Variants in CCSER1 observed in about 807,000 individuals in gnomAD.
CCSER1 encodes serine-rich coiled-coil domain-containing protein 1.
Under a neutral mutation model 82.0 loss-of-function variants are expected in CCSER1, and 41 were observed. The ratio of observed to expected loss-of-function variants is 0.50; its 90% CI spans 0.39 to 0.65. CCSER1 has a LOEUF of 0.65. CCSER1 is among the 30% of genes least tolerant of loss of function. The pLI is 0.00. For missense variants in CCSER1, 1,119 were observed against 1,064.2 expected (o/e 1.05, Z -0.72); for synonymous variants, 414 against 383.9 (o/e 1.08, Z -0.92).
intron 7 of CCSER1, chr4:90,781,646 G>T (rs1753796736): frequency 1.0e-6 from 1 of 973,116 alleles, no homozygotes; most frequent in African/African-American, 1.8e-5. Context: ...TCTCTTGAAA[G>T]TAGCTTTACA....
chr4:90,966,026 G>T lies in CCSER1; in HGVS notation c.2172+42579G>T, dbSNP rs148031354. Among the ~76,000 whole-genome samples, 3 of 151,998 alleles carry T rather than the reference G, an allele frequency of 2.0e-5. No individual in the cohort carries two copies. The East Asian group carries it at 5.8e-4, about 29-fold the overall frequency. Reference sequence around the variant, plus strand: ...ATTTGAGCAGGCAAATAAATAATCAGTTAAATTTAAGATAGATTCATAGAG... The same window carrying T: ...ATTTGAGCAGGCAAATAAATAATCATTTAAATTTAAGATAGATTCATAGAG... On this transcript the variant is annotated intron_variant, in intron 9 of 10. Coordinates refer to ENST00000509176, the MANE Select transcript of CCSER1 (RefSeq NM_001145065.2).
At chr4:90,484,815 C>T (rs191290138) in intron 5 of CCSER1, among the ~76,000 whole-genome samples, 71 of 152,292 alleles carry the variant, frequency 4.7e-4, no homozygotes, top group African/African-American at 1.5e-3. Flanking sequence ...TTAGGCTACT[C>T]GGGGGTTAGG....
At chr4:91,595,362 C>A (rs1364169466) in intron 10 of CCSER1, among the ~76,000 whole-genome samples, 7 of 152,108 alleles carry the variant, frequency 4.6e-5, no homozygotes, top group Non-Finnish European at 8.8e-5. Flanking sequence ...TGGAACCAAA[C>A]TACAACAATA....
At chr4:90,422,364 T>C (rs1756827364) in intron 4 of CCSER1, among the ~76,000 whole-genome samples, 1 of 152,090 alleles carries the variant, frequency 6.6e-6, no homozygotes, top group Non-Finnish European at 1.5e-5. Flanking sequence ...GAGGCTAGGC[T>C]GGAAAATTGC....
intron 4 of CCSER1, among the ~76,000 whole-genome samples, chr4:90,435,230 A>G (rs1758835387): frequency 3.9e-5 from 6 of 152,152 alleles, no homozygotes; most frequent in Admixed American, 3.9e-4. Context: ...TTTTTGTCAG[A>G]AAATTTTCTG....
chr4:91,286,376 TTCAC>T (rs1245768980), intron 10 of CCSER1, among the ~76,000 whole-genome samples: 1 of 151,878 alleles, frequency 6.6e-6, no homozygotes, highest in Non-Finnish European at 1.5e-5. Context: ...TTGATGAAGG[TTCAC>T]TAAGTTGGAT....
At chr4:90,697,931 G>A (rs114674834) in intron 6 of CCSER1, among the ~76,000 whole-genome samples, 2,081 of 152,230 alleles carry the variant, frequency 0.014, 27 homozygotes, top group Non-Finnish European at 0.018. Context: ...TCAAAGAGGT[G>A]CAGATAATGC....
intron 5 of CCSER1, among the ~76,000 whole-genome samples, chr4:90,570,721 C>T (rs149095843): frequency 7.1e-4 from 108 of 152,224 alleles, no homozygotes; most frequent in African/African-American, 1.6e-3. Flanking sequence ...CTTTTGCCTC[C>T]GGTCTCCACA....
At chr4:91,141,983 C>T (rs1018729894) in intron 10 of CCSER1, among the ~76,000 whole-genome samples, 2 of 152,022 alleles carry the variant, frequency 1.3e-5, no homozygotes, top group African/African-American at 4.8e-5. Context: ...GATTTAAGTT[C>T]CTTATAGATT....
rs181155049 is a variant in CCSER1, at chr4:90,134,874, A to T, written c.-42+7043A>T. Among the ~76,000 whole-genome samples, 13 of 152,336 alleles carry T rather than the reference A, an allele frequency of 8.5e-5. No homozygotes were observed. In the East Asian group the frequency reaches 2.1e-3, roughly 25 times the overall value. On this transcript the variant is annotated intron_variant, in intron 1 of 10. Coordinates refer to ENST00000509176, the MANE Select transcript of CCSER1 (RefSeq NM_001145065.2). ...AGGCTGATTTCATAGAAGTAAATGG[A>T]CAGAAAGTTAAATTTGGTTATTTTG...
chr4:91,465,548 A>G (rs1756840260), intron 10 of CCSER1, among the ~76,000 whole-genome samples: 1 of 152,212 alleles, frequency 6.6e-6, no homozygotes, highest in Non-Finnish European at 1.5e-5. Flanking sequence ...CCTTCAAAAA[A>G]TCAGTGAATC....
chr4:90,265,005 C>A (rs1418294063), intron 1 of CCSER1, among the ~76,000 whole-genome samples: 1 of 151,892 alleles, frequency 6.6e-6, no homozygotes, highest in East Asian at 1.9e-4. Flanking sequence ...TCTTCATAAA[C>A]TATGTGAATA....
At chr4:90,864,000 T>C (rs1314506203) in intron 8 of CCSER1, among the ~76,000 whole-genome samples, 12 of 123,852 alleles carry the variant, frequency 9.7e-5, no homozygotes, top group Non-Finnish European at 1.8e-5. Flanking sequence ...TTTTATTTTA[T>C]TTTATTTTAT....
In CCSER1 at chr4:91,546,972, CTT is replaced by C. The variant is rs70937013; in HGVS notation, c.2218-51586_2218-51585del. ...ATTTTTTAAATTTCTCTTGAGTTTT[CTT>C]TTTTTTTTTTTTTCACCCATGTGCT... On this transcript the variant is annotated intron_variant, in intron 10 of 10. Transcript: ENST00000509176. Among the ~76,000 whole-genome samples the C allele has an allele frequency of 1.6e-4, 21 of 133,428 alleles. 1 individual carries two copies. The highest frequency in any genetic ancestry group is 4.7e-4 in the South Asian group (2 of 4,240). 87.5% of individuals were successfully genotyped at this position (133,428 alleles called of 152,430 possible). A position where few individuals can be genotyped will look rare whatever the true frequency, so the allele number is the denominator to read the frequency against.
At chr4:91,089,208 G>C (rs1449463235) in intron 10 of CCSER1, among the ~76,000 whole-genome samples, 1 of 152,162 alleles carries the variant, frequency 6.6e-6, no homozygotes, top group East Asian at 1.9e-4. Context: ...ATGTGACAGG[G>C]GCTGCAAGCA....
chr4:91,371,011 A>C (rs1364679588), intron 10 of CCSER1, among the ~76,000 whole-genome samples: 1 of 151,880 alleles, frequency 6.6e-6, no homozygotes, highest in Non-Finnish European at 1.5e-5. Context: ...ACAGGTGCAC[A>C]CCACCACACC....
intron 9 of CCSER1, among the ~76,000 whole-genome samples, chr4:90,959,315 A>G (rs190365233): frequency 7.4e-4 from 112 of 152,262 alleles, no homozygotes; most frequent in Admixed American, 5.2e-3. Context: ...ATACGGGTTA[A>G]TCATTGTGAT....
At chr4:90,202,614 A>C (rs1737977354) in intron 1 of CCSER1, among the ~76,000 whole-genome samples, 1 of 152,220 alleles carries the variant, frequency 6.6e-6, no homozygotes, top group Non-Finnish European at 1.5e-5. Flanking sequence ...ATCCTATAGA[A>C]TATAGGCTTG....
chr4:90,885,656 C>T (rs1561304733), intron 8 of CCSER1, among the ~76,000 whole-genome samples: 1 of 152,026 alleles, frequency 6.6e-6, no homozygotes, highest in African/African-American at 2.4e-5. Flanking sequence ...GAAAAGATGA[C>T]AATGATAGGA....
Sources: gnomAD v4.1 joint callset for allele counts (sites outside exome capture counted in the v4.1 genomes callset) on GRCh38, gnomAD v4.1.1 for gene constraint, MANE v1.5 for transcripts, NCBI Gene and HGNC (gene_info 2026-07-23, HGNC 2026-07-21) for gene names.